The following VAV2 variants were observed in gnomAD, a reference collection of about 807,000 sequenced individuals.
The protein encoded by VAV2 is vav guanine nucleotide exchange factor 2.
Under a neutral mutation model 132.5 loss-of-function variants are expected in VAV2, and 67 were observed. The ratio of observed to expected loss-of-function variants is 0.51; its 90% confidence interval spans 0.42 to 0.62. The LOEUF is 0.62. VAV2 is among the 20% of genes least tolerant of loss of function. The pLI, the probability that VAV2 is intolerant of heterozygous loss-of-function variation, is 0.00. For missense variants in VAV2, 938 were observed against 1,153.6 expected (o/e 0.81, Z 2.71); for synonymous variants, 492 against 443.5 (o/e 1.11, Z -1.37).
At chr9:133,780,104 C>T in intron 20 of VAV2, 165 bp from the exon 21 acceptor site, 1 of 870,762 alleles carries the variant, frequency 1.1e-6, no homozygotes, top group Non-Finnish European at 1.8e-6. Flanking sequence ...GACGCCCCCA[C>T]CCTGGCAATA....
At chr9:133,772,497 C>G (rs1433209127) in intron 25 of VAV2, among the ~76,000 whole-genome samples, 1 of 152,314 alleles carries the variant, frequency 6.6e-6, no homozygotes, top group Non-Finnish European at 1.5e-5. Context: ...GTCTGGGCCT[C>G]GGCACCGGCT....
At chr9:133,790,300 C>T (rs1156548582) in intron 13 of VAV2, among the ~76,000 whole-genome samples, 3 of 152,204 alleles carry the variant, frequency 2.0e-5, no homozygotes, top group African/African-American at 7.2e-5. Flanking sequence ...CCTCAGCCTC[C>T]CAAGTAGCTG....
rs11374005 is a variant in VAV2 at position 133,762,605 on chromosome 9, G to GC, written c.*1456dup. 3,379 of 152,380 alleles carry GC rather than the reference G, an allele frequency of 0.022. 113 individuals are homozygous for GC. The highest frequency in any genetic ancestry group is 0.077 in the African/African-American group (3,200 of 41,420). 9.4% of individuals were successfully genotyped at this position (152,380 alleles called of 1,614,324 possible). On this transcript the variant is annotated 3_prime_UTR_variant, in exon 30 of 30. Coordinates refer to ENST00000371850, the MANE Select transcript of VAV2 (RefSeq NM_001134398.2). The surrounding 1 kb of genome is among the most constrained non-coding windows in gnomAD (Gnocchi z 5.0). ...GCTGACTCTTCGCTTCCCCTGCCCT[G>GC]CCTCCACCTCCCCTCATTTCCCAAG...
At chr9:133,780,429 A>T (rs1302298423) in intron 20 of VAV2, among the ~76,000 whole-genome samples, 1 of 152,188 alleles carries the variant, frequency 6.6e-6, no homozygotes, top group Non-Finnish European at 1.5e-5. Context: ...TGCAGGTCCC[A>T]GAGCTGTACC....
intron 2 of VAV2, among the ~76,000 whole-genome samples, chr9:133,869,973 A>G (rs1554795689): frequency 3.3e-5 from 5 of 152,212 alleles, no homozygotes; most frequent in Non-Finnish European, 7.3e-5. Flanking sequence ...ATTATAAATT[A>G]CTTTCTCTAA....
intron 2 of VAV2, among the ~76,000 whole-genome samples, chr9:133,895,030 G>C (rs74433831): frequency 6.6e-6 from 1 of 151,976 alleles, no homozygotes; most frequent in Non-Finnish European, 1.5e-5. Flanking sequence ...CGTGGGGGGC[G>C]TCCGGAGATG....
At chr9:133,871,550 T>C (rs1310135451) in intron 2 of VAV2, among the ~76,000 whole-genome samples, 1 of 151,932 alleles carries the variant, frequency 6.6e-6, no homozygotes, top group Non-Finnish European at 1.5e-5. Flanking sequence ...GAGAGATCCC[T>C]TTGCCCCAGT....
At chr9:133,967,933 CAAA>C (rs34152925) in intron 1 of VAV2, among the ~76,000 whole-genome samples, 6 of 71,350 alleles carry the variant, frequency 8.4e-5, no homozygotes, top group Admixed American at 1.8e-4. Context: ...ACTCTATAAC[CAAA>C]AAAAAAAAAA....
chr9:133,842,479 T>C (rs1351906635), intron 3 of VAV2, among the ~76,000 whole-genome samples: 1 of 152,188 alleles, frequency 6.6e-6, no homozygotes, highest in African/African-American at 2.4e-5. Flanking sequence ...AGCCCTGACA[T>C]CTACTGTCCG....
chr9:133,968,960 A>C (rs1039211337), intron 1 of VAV2, among the ~76,000 whole-genome samples: 1 of 152,056 alleles, frequency 6.6e-6, no homozygotes, highest in Non-Finnish European at 1.5e-5. Flanking sequence ...TGAGTCCCCC[A>C]AAAATCAATC....
chr9:133,895,731 G>A, intron 2 of VAV2, among the ~76,000 whole-genome samples: 1 of 152,186 alleles, frequency 6.6e-6, no homozygotes, highest in East Asian at 1.9e-4. Context: ...TGGATACATG[G>A]CCTTGTGAAT....
chr9:133,979,065 G>A (rs908532061), intron 1 of VAV2, among the ~76,000 whole-genome samples: 2 of 152,292 alleles, frequency 1.3e-5, no homozygotes, highest in South Asian at 2.1e-4. Context: ...CACCCCAGCC[G>A]CGTCAAGTGG....
At chr9:133,910,834 A>AC (rs1016878422) in intron 2 of VAV2, among the ~76,000 whole-genome samples, 1 of 138,338 alleles carries the variant, frequency 7.2e-6, no homozygotes, top group Non-Finnish European at 1.5e-5. Context: ...AAAAAAAAAA[A>AC]AAAGAAAAAG....
chr9:133,992,318 C>G lies in VAV2; in HGVS notation c.-40G>C, dbSNP rs368292098. On this transcript the variant is annotated 5_prime_UTR_variant, in exon 1 of 30. Coordinates refer to ENST00000371850, the MANE Select transcript of VAV2 (RefSeq NM_001134398.2). The surrounding 1 kb of genome is among the most constrained non-coding windows in gnomAD (Gnocchi z 5.5). ...CGACCGGCTCAGGGCAGTGCTCGAG[C>G]CAAAGTGCAGCGGCCGCGGGGCATC... 1.7e-3 allele frequency: 2,157 copies of G among 1,287,568 alleles called. 3 individuals carry two copies. The highest frequency in any genetic ancestry group is 3.7e-3 in the Middle Eastern group (13 of 3,496). 79.8% of individuals were successfully genotyped at this position (1,287,568 alleles called of 1,614,324 possible).
At position 133,884,496 on chromosome 9, in the gene VAV2, C is replaced by T. The variant is rs1394032317; in HGVS notation, c.322-23064G>A. 3.3e-5 allele frequency among the ~76,000 whole-genome samples: 5 copies of T among 152,046 alleles called. No homozygotes were observed. Among genetic ancestry groups the T allele is most frequent in the Admixed American group, 6.5e-5 (1 of 15,280 alleles). On this transcript the variant is annotated intron_variant, in intron 2 of 29. Coordinates refer to ENST00000371850, the MANE Select transcript of VAV2 (RefSeq NM_001134398.2). This position sits in a 1 kb window ranked among gnomAD's most constrained non-coding sequence, Gnocchi z 5.3. ...AGCCTGGGGGGCGTGGTGGGGACTCCGCAAGCACTCAACAGATGCTGGCCC... is the reference window on the plus strand; with the variant it reads ...AGCCTGGGGGGCGTGGTGGGGACTCTGCAAGCACTCAACAGATGCTGGCCC...
At chr9:133,979,308 T>A (rs1412802062) in intron 1 of VAV2, among the ~76,000 whole-genome samples, 1 of 152,062 alleles carries the variant, frequency 6.6e-6, no homozygotes, top group Non-Finnish European at 1.5e-5. Flanking sequence ...GCGCCACGGG[T>A]CTGCCACGAG....
At chr9:133,958,759 G>A (rs1841873726) in intron 1 of VAV2, among the ~76,000 whole-genome samples, 2 of 152,232 alleles carry the variant, frequency 1.3e-5, no homozygotes, top group African/African-American at 4.8e-5. Flanking sequence ...CAACAAGGAT[G>A]CTGCAGAGCA....
intron 2 of VAV2, among the ~76,000 whole-genome samples, chr9:133,867,227 C>T (rs1422733977): frequency 6.6e-6 from 1 of 152,198 alleles, no homozygotes; most frequent in African/African-American, 2.4e-5. Flanking sequence ...CAGGCCAAGG[C>T]CAGCATCAAG....
rs1409783752 is a variant in VAV2, at chr9:133,834,356, C to T, written c.381-16G>A. On this transcript the variant is annotated splice_polypyrimidine_tract_variant and intron_variant, in intron 3 of 29. Coordinates refer to ENST00000371850, the MANE Select transcript of VAV2 (RefSeq NM_001134398.2). The surrounding 1 kb of genome is among the most constrained non-coding windows in gnomAD (Gnocchi z 5.9). ...GGGAAAAGGCCTGCGGAAGAGAAGG[C>T]GAGAGGGAGGTGAGCAGGTCCCGGC... 8.1e-6 allele frequency: 13 copies of T among 1,609,708 alleles called. No homozygotes were observed. Among genetic ancestry groups the T allele is most frequent in the Admixed American group, 5.0e-5 (3 of 59,602 alleles).
Sources: allele counts gnomAD v4.1 joint callset (sites outside exome capture counted in the v4.1 genomes callset), GRCh38; gene constraint gnomAD v4.1.1; non-coding constraint Gnocchi (gnomAD v3.1); transcripts MANE v1.5; gene names NCBI Gene and HGNC (gene_info 2026-07-23, HGNC 2026-07-21).